Variants in ZNF451 observed in about 807,000 individuals in gnomAD.
ZNF451 encodes the protein zinc finger protein 451, also known as E3 SUMO-protein ligase ZNF451.
Under a neutral mutation model 107.1 loss-of-function variants are expected in ZNF451, and 80 were observed. That is an observed-to-expected ratio of 0.75 (90% CI 0.62 to 0.90). The LOEUF (loss-of-function observed/expected upper bound fraction) is 0.90. Among genes scored for constraint, ZNF451 ranks in the 40% least tolerant of loss-of-function variants. ZNF451 has a pLI of 0.00. For missense variants in ZNF451, 1,107 were observed against 1,236.2 expected (o/e 0.90, Z 1.57); for synonymous variants, 362 against 406.5 (o/e 0.89, Z 1.32).
chr6:57,120,714 A>G (rs535099676), intron 3 of ZNF451, among the ~76,000 whole-genome samples: 1 of 151,948 alleles, frequency 6.6e-6, no homozygotes, highest in Non-Finnish European at 1.5e-5. Flanking sequence ...CTGTTTAGCT[A>G]TTTCCCCATT....
At chr6:57,156,444 T>C (rs1329545313) in intron 13 of ZNF451, among the ~76,000 whole-genome samples, 2 of 152,196 alleles carry the variant, frequency 1.3e-5, no homozygotes, top group Non-Finnish European at 2.9e-5. Flanking sequence ...CCATTAATAA[T>C]ATAATTTTTG....
Position 57,099,122 on chromosome 6 carries a change from C to T in ZNF451, c.167C>T (p.Pro56Leu), listed in dbSNP as rs1481952897. 4.3e-6 allele frequency: 7 copies of T among 1,611,890 alleles called. No homozygotes were observed. The Admixed American group carries it at 1.2e-4, about 27-fold the overall frequency. Residue 56 changes from proline (P) to leucine (L), a missense_variant, in exon 3 of 15, where the codon CCT (proline) becomes CTT (leucine). Pro to Leu is a moderately conservative substitution (Grantham distance 98). This residue lies in a region of ZNF451 where 339 missense variants were observed against 372.8 expected (regional missense o/e 0.91). Transcript: ENST00000370706. Reference protein sequence around the residue: ...IDLVSSDDEEPSTSYTDENIK... With the variant: ...IDLVSSDDEELSTSYTDENIK... ...CTGGTCAGCAGTGATGATGAAGAGC[C>T]TAGCACCTCTTATACTGATGTAAGT...
In ZNF451 at chr6:57,148,597, T is replaced by A; in HGVS notation, c.2512T>A (p.Ser838Thr). 1 of 1,614,060 alleles carries A rather than the reference T, an allele frequency of 6.2e-7. No homozygotes were observed. The highest frequency in any genetic ancestry group is 8.5e-7 in the Non-Finnish European group (1 of 1,179,952). ...SNLYKFTASA[S>T]HTERKLKQAI... ...CCTGTACAAGTTTACTGCTAGTGCC[T>A]CACATACAGAGAGAAAACTGAAACA... The change falls in exon 10 of 15, where the codon TCA becomes ACA. Residue 838 changes from serine (S) to threonine (T), a missense_variant. By Grantham distance (58) the Ser-to-Thr change is moderately conservative. This residue lies in a region of ZNF451 where 608 missense variants were observed against 649.2 expected (regional missense o/e 0.94). Transcript: ENST00000370706.
At chr6:57,141,740 G>A (rs1241343446) in intron 8 of ZNF451, among the ~76,000 whole-genome samples, 1 of 151,888 alleles carries the variant, frequency 6.6e-6, no homozygotes, top group African/African-American at 2.4e-5. Flanking sequence ...TCTGTTTCTC[G>A]GCATTTAAGA....
chr6:57,154,033 C>A lies in ZNF451; in HGVS notation c.3056C>A (p.Ser1019Tyr). The change falls in exon 13 of 15, where the codon TCT becomes TAT. Residue 1019 changes from serine to tyrosine, a missense_variant. Ser to Tyr is a moderately radical substitution (Grantham distance 144). Around this residue, in one of 5 missense-constraint regions of ZNF451, gnomAD observed 151 missense variants for 173.3 expected, o/e 0.87. Transcript: ENST00000370706. ...DMMCALLNSISDTTKECDSDD... is the reference protein window; with the variant it reads ...DMMCALLNSIYDTTKECDSDD... ...ATGTGTGCCTTGTTAAATAGCATATCTGATACCACCAAAGGTACGCAGCTG... is the reference window on the plus strand; with the variant it reads ...ATGTGTGCCTTGTTAAATAGCATATATGATACCACCAAAGGTACGCAGCTG... 1 of 1,614,168 alleles carries A rather than the reference C, an allele frequency of 6.2e-7. No homozygotes were observed. The highest frequency in any genetic ancestry group is 8.5e-7 in the Non-Finnish European group (1 of 1,180,040).
At chr6:57,112,568 C>G (rs1307815142) in intron 3 of ZNF451, among the ~76,000 whole-genome samples, 4 of 152,288 alleles carry the variant, frequency 2.6e-5, no homozygotes, top group East Asian at 1.9e-4. Flanking sequence ...TTACCTTCTT[C>G]CCTCCTACAA....
At chr6:57,134,417 C>A (rs1831332284) in intron 6 of ZNF451, among the ~76,000 whole-genome samples, 1 of 152,086 alleles carries the variant, frequency 6.6e-6, no homozygotes. Flanking sequence ...TTATGGTAAC[C>A]AAGGCAAGAA....
At chr6:57,099,906 G>A (rs928528364) in intron 3 of ZNF451, among the ~76,000 whole-genome samples, 11 of 152,164 alleles carry the variant, frequency 7.2e-5, no homozygotes, top group Non-Finnish European at 1.6e-4. Flanking sequence ...AGAATACCTG[G>A]GTTTGAGTCC....
chr6:57,126,231 TTTTG>T (rs1830922470), intron 4 of ZNF451, among the ~76,000 whole-genome samples: 1 of 152,202 alleles, frequency 6.6e-6, no homozygotes, highest in South Asian at 2.1e-4. Flanking sequence ...ATTTTTAATT[TTTTG>T]TTTAACCAGT....
At chr6:57,165,629 A>T (rs1443067393) in intron 14 of ZNF451, 2 of 152,142 alleles carry the variant, frequency 1.3e-5, no homozygotes, top group African/African-American at 2.4e-5. Context: ...GCTTTTAATA[A>T]TTCTGCCTCA....
At chr6:57,130,976 T>C (rs1236961132) in intron 5 of ZNF451, among the ~76,000 whole-genome samples, 1 of 152,122 alleles carries the variant, frequency 6.6e-6, no homozygotes, top group Admixed American at 6.6e-5. Context: ...CTATATTTGG[T>C]ATGGTGCTAT....
intron 3 of ZNF451, chr6:57,104,217 G>A: frequency 4.3e-5 from 42 of 985,280 alleles, no homozygotes; most frequent in Non-Finnish European, 4.9e-5. Context: ...AGAAACAAAG[G>A]CCTAAGAAAT....
chr6:57,134,703 A>G, intron 6 of ZNF451, 41 bp from the exon 7 acceptor site: 1 of 1,585,194 alleles, frequency 6.3e-7, no homozygotes. Context: ...CCTAGAATGT[A>G]GATTTATCTA....
chr6:57,105,099 A>C, intron 3 of ZNF451: 1 of 985,434 alleles, frequency 1.0e-6, no homozygotes, highest in Non-Finnish European at 1.2e-6. Flanking sequence ...TAGAATCAGA[A>C]ACTCTTAGTC....
intron 7 of ZNF451, among the ~76,000 whole-genome samples, chr6:57,138,737 A>G (rs1296153541): frequency 0.079 from 7,107 of 89,570 alleles, 318 homozygotes; most frequent in African/African-American, 0.12. Flanking sequence ...ATATATATAT[A>G]TATATGTGTG....
chr6:57,114,727 A>C (rs181256381), intron 3 of ZNF451, among the ~76,000 whole-genome samples: 1 of 152,316 alleles, frequency 6.6e-6, no homozygotes, highest in African/African-American at 2.4e-5. Context: ...AACCAAGTCC[A>C]TTATGTTCCC....
At chr6:57,153,805 T>G in intron 12 of ZNF451, 56 bp from the exon 13 acceptor site, 1 of 1,567,236 alleles carries the variant, frequency 6.4e-7, no homozygotes. Context: ...TAGATGTAAC[T>G]TGTTTTGAAA....
Position 57,142,001 on chromosome 6 carries a change from T to C in ZNF451, c.910T>C (p.Leu304=), listed in dbSNP as rs772204012. Residue 304 remains leucine (L), a synonymous_variant, in exon 9 of 15, where the codon TTG becomes CTG. Transcript: ENST00000370706. ...TTTCCCATCTTTTGCAAAGAAACTT[T>C]TGATCTCTCTGTGCAAAGATGTTCC... ...ISFPSFAKKL[L]ISLCKDVPFQ... is the part of the protein sequence containing the mutation. The C allele has an allele frequency of 6.2e-7, 1 of 1,614,134 alleles. No homozygotes were observed. The highest frequency in any genetic ancestry group is 8.5e-7 in the Non-Finnish European group (1 of 1,179,968).
At chr6:57,124,961 T>C (rs1309140534) in intron 4 of ZNF451, 102 bp downstream of exon 4, 1 of 732,222 alleles carries the variant, frequency 1.4e-6, no homozygotes, top group Non-Finnish European at 1.9e-6. Context: ...TAATCAAAGC[T>C]CAGTATGTAC....
Sources: gnomAD v4.1 joint callset for allele counts (sites outside exome capture counted in the v4.1 genomes callset) on GRCh38, gnomAD v4.1.1 for gene constraint, gnomAD v4.1.1 regional missense constraint, MANE v1.5 for transcripts, NCBI Gene and HGNC (gene_info 2026-07-23, HGNC 2026-07-21) for gene names.